The following AMPD1 variants were observed in gnomAD, a reference collection of about 807,000 sequenced individuals.
AMPD1 encodes the protein adenosine monophosphate deaminase 1.
Under a neutral mutation model 82.9 loss-of-function variants are expected in AMPD1, and 74 were observed. The observed-to-expected ratio is 0.89, with a 90% CI of 0.74 to 1.08. The LOEUF is 1.08. Among genes scored for constraint, AMPD1 ranks in the 50% least tolerant of loss-of-function variants. The pLI, the probability that AMPD1 is intolerant of heterozygous loss-of-function variation, is 0.00. For missense variants in AMPD1, 881 were observed against 924.5 expected (o/e 0.95, Z 0.61); for synonymous variants, 333 against 320.5 (o/e 1.04, Z -0.42).
intron 4 of AMPD1, among the ~76,000 whole-genome samples, chr1:114,685,424 T>C (rs1658285147): frequency 6.6e-6 from 1 of 152,238 alleles, no homozygotes; most frequent in Non-Finnish European, 1.5e-5. Flanking sequence ...AACTGAGCCC[T>C]GATTTCCTCT....
At chr1:114,681,280 A>G (rs1176349152) in intron 5 of AMPD1, among the ~76,000 whole-genome samples, 1 of 152,136 alleles carries the variant, frequency 6.6e-6, no homozygotes, top group African/African-American at 2.4e-5. Flanking sequence ...TTGGGTTCCC[A>G]GTAAAATAAT....
At chr1:114,693,135 A>T (rs968878397) in intron 2 of AMPD1, among the ~76,000 whole-genome samples, 1 of 146,706 alleles carries the variant, frequency 6.8e-6, no homozygotes, top group African/African-American at 2.5e-5. Flanking sequence ...TAAATAAATA[A>T]ATAAATAAAT....
chr1:114,673,999 C>T lies in AMPD1; in HGVS notation c.1884G>A (p.Glu628=). The part of the protein sequence containing the change: ...SPLSNNSLFL[E]YAKNPFLDFL... ...AATCCAAAAAAGGATTTTTGGCATA[C>T]TCTAGAAATAGGCTATTGTTACTTA... Residue 628 remains glutamate (E), a synonymous_variant, in exon 14 of 16, where the codon GAG becomes GAA. Transcript: ENST00000520113. 6.2e-7 allele frequency: 1 copy of T among 1,613,924 alleles called. No homozygotes were observed. The highest frequency in any genetic ancestry group is 8.5e-7 in the Non-Finnish European group (1 of 1,179,884).
Position 114,679,762 on chromosome 1 carries a change from C to T in AMPD1, c.768-54G>A, listed in dbSNP as rs1658102100. On this transcript the variant is annotated intron_variant, in intron 6 of 15. Coordinates refer to ENST00000520113, the MANE Select transcript of AMPD1 (RefSeq NM_000036.3). ...AAAAGTTTCAGGCATTCAAGAAAAA[C>T]AGTCACAATTTCAAAACTATCAGGA... 2.0e-5 allele frequency: 32 copies of T among 1,594,570 alleles called. No individual in the cohort carries two copies. In the South Asian group the frequency reaches 3.4e-4, roughly 17 times the overall value.
intron 2 of AMPD1, among the ~76,000 whole-genome samples, chr1:114,689,662 T>G (rs1380882694): frequency 6.6e-6 from 1 of 152,028 alleles, no homozygotes; most frequent in Non-Finnish European, 1.5e-5. Flanking sequence ...ACTAAAAATA[T>G]GAAAATTAGT....
Position 114,675,906 on chromosome 1 carries a change from C to A in AMPD1, c.1486G>T (p.Asp496Tyr). 1 of 1,614,202 alleles carries A rather than the reference C, an allele frequency of 6.2e-7. No homozygotes were observed. Among genetic ancestry groups the A allele is most frequent in the Non-Finnish European group, 8.5e-7 (1 of 1,180,040 alleles). ...TTGAGGAAGACACTGAGTTCTGGGT[C>A]AGCCTGGGGGTTGATGGTGGCCTCA... ...VFEATINPQADPELSVFLKHI... is the reference protein window; with the variant it reads ...VFEATINPQAYPELSVFLKHI... Residue 496 changes from aspartate to tyrosine, a missense_variant, in exon 11 of 16, where the codon GAC becomes TAC. Coordinates refer to ENST00000520113, the MANE Select transcript of AMPD1 (RefSeq NM_000036.3).
intron 2 of AMPD1, 90 bp from the exon 3 acceptor site, chr1:114,688,831 T>A (rs1401300867): frequency 1.4e-5 from 20 of 1,422,736 alleles, no homozygotes; most frequent in Non-Finnish European, 2.0e-5. Flanking sequence ...GGACAAGGAC[T>A]GTGCTGCGTG....
intron 1 of AMPD1, 25 bp from the exon 2 acceptor site, chr1:114,693,472 A>G (rs372968065): frequency 3.7e-6 from 6 of 1,602,434 alleles, no homozygotes; most frequent in Non-Finnish European, 4.3e-6. Flanking sequence ...ATAAAACAAG[A>G]TAAAATATGT....
At chr1:114,673,392 A>G in intron 15 of AMPD1, 120 bp from the exon 16 acceptor site, 1 of 1,195,608 alleles carries the variant, frequency 8.4e-7, no homozygotes, top group Admixed American at 2.0e-5. Flanking sequence ...AATAATAATA[A>G]TAGACCATTA....
chr1:114,676,164 A>G, intron 10 of AMPD1, 161 bp from the exon 11 acceptor site: 1 of 854,136 alleles, frequency 1.2e-6, no homozygotes, highest in Admixed American at 2.4e-5. Flanking sequence ...TCCCCTATAG[A>G]GAGGGATTCA....
chr1:114,673,688 A>G lies in AMPD1; in HGVS notation c.2036T>C (p.Met679Thr), dbSNP rs558444201. Reference sequence around the variant, plus strand: ...GACACTGTTCCTTGCCACTTCGCACATATCACAGGTGCTCAGCTTGAAGAC... The same window carrying G: ...GACACTGTTCCTTGCCACTTCGCACGTATCACAGGTGCTCAGCTTGAAGAC... The part of the protein sequence containing the change: ...AQVFKLSTCD[M>T]CEVARNSVLQ... Residue 679 changes from methionine to threonine, a missense_variant, in exon 15 of 16, where the codon ATG becomes ACG. Coordinates refer to ENST00000520113, the MANE Select transcript of AMPD1 (RefSeq NM_000036.3). 3 of 1,614,194 alleles carry G rather than the reference A, an allele frequency of 1.9e-6. No homozygotes were observed. Among genetic ancestry groups the G allele is most frequent in the African/African-American group, 2.7e-5 (2 of 75,066 alleles).
chr1:114,680,522 A>G, intron 5 of AMPD1, 44 bp from the exon 6 acceptor site: 1 of 1,554,662 alleles, frequency 6.4e-7, no homozygotes, highest in Non-Finnish European at 8.9e-7. Context: ...ACATAGGATG[A>G]ACGACCACAT....
At chr1:114,681,745 C>CT (rs985507602) in intron 5 of AMPD1, among the ~76,000 whole-genome samples, 32 of 152,262 alleles carry the variant, frequency 2.1e-4, no homozygotes, top group African/African-American at 6.0e-4. Flanking sequence ...ACCTTGTAAT[C>CT]ACCCAAAGTC....
chr1:114,688,641 C>T lies in AMPD1; in HGVS notation c.135G>A (p.Glu45=), dbSNP rs551907814. 1 of 1,614,200 alleles carries T rather than the reference C, an allele frequency of 6.2e-7. No homozygotes were observed. Among genetic ancestry groups the T allele is most frequent in the East Asian group, 2.2e-5 (1 of 44,892 alleles). ...TCTCATGATGAGAAATCGGACAGAT[C>T]TCATCCACATCAAAGGGGGAAATCT... ...RQEISPFDVD[E]ICPISHHEMQ... is the part of the protein sequence containing the mutation. The change falls in exon 3 of 16, where the codon GAG becomes GAA. Residue 45 remains glutamate (E), a synonymous_variant. Coordinates refer to ENST00000520113, the MANE Select transcript of AMPD1 (RefSeq NM_000036.3).
chr1:114,687,341 T>G (rs1658351423), intron 3 of AMPD1, among the ~76,000 whole-genome samples: 1 of 152,188 alleles, frequency 6.6e-6, no homozygotes, highest in African/African-American at 2.4e-5. Flanking sequence ...AGGATTTCTA[T>G]GAGATTTAAT....
rs746228424 is a variant in AMPD1 at position 114,684,340 on chromosome 1, CA to C, written c.405del (p.Ile135MetfsTer41). The C allele has an allele frequency of 5.7e-5, 92 of 1,611,230 alleles. No individual in the cohort carries two copies. The highest frequency in any genetic ancestry group is 7.3e-5 in the Non-Finnish European group (86 of 1,179,146). On this transcript the variant is annotated frameshift_variant, in exon 5 of 16. Transcript: ENST00000520113. LOFTEE classifies it high-confidence loss of function. ...ASGVTVEDFEIVCKGLYRALC... is the reference protein window; with the variant it reads ...ASGVTVEDFEXVCKGLYRALC... ...AGTGCCCGATACAGACCTTTGCAAA[CA>C]ATTTCAAAATCTTCAACTGTAACCT... is the stretch of plus-strand genomic sequence containing the variant.
intron 4 of AMPD1, 178 bp from the exon 5 acceptor site, chr1:114,684,542 G>A (rs1190576041): frequency 9.0e-6 from 6 of 664,456 alleles, no homozygotes; most frequent in Non-Finnish European, 1.3e-5. Flanking sequence ...CCCAGAGCAG[G>A]TCCTGAAGCT....
chr1:114,674,058 A>G lies in AMPD1; in HGVS notation c.1825T>C (p.Phe609Leu). 1.9e-6 allele frequency: 3 copies of G among 1,614,076 alleles called. No individual in the cohort carries two copies. The highest frequency in any genetic ancestry group is 2.5e-6 in the Non-Finnish European group (3 of 1,179,920). ...ATGGCGATGGGAATTTGGGCTAAGA[A>G]AAACAAGTACTGTAGCACGGGACTC... ...KKSPVLQYLF[F>L]LAQIPIAMSP... The change falls in exon 14 of 16, where the codon TTC becomes CTC. Residue 609 changes from phenylalanine (F) to leucine (L), a missense_variant. Transcript: ENST00000520113.
At chr1:114,694,194 T>C (rs1173537094) in intron 1 of AMPD1, among the ~76,000 whole-genome samples, 1 of 151,562 alleles carries the variant, frequency 6.6e-6, no homozygotes, top group African/African-American at 2.4e-5. Context: ...CCAGCCTGGG[T>C]GACAGAGCGA....
Sources: gnomAD v4.1 joint callset for allele counts (sites outside exome capture counted in the v4.1 genomes callset) on GRCh38, gnomAD v4.1.1 for gene constraint, MANE v1.5 for transcripts, NCBI Gene and HGNC (gene_info 2026-07-23, HGNC 2026-07-21) for gene names.